Variants in ABRAXAS1 observed in about 807,000 individuals in gnomAD.
The protein encoded by ABRAXAS1 is BRCA1-A complex subunit Abraxas 1.
Under a neutral mutation model 38.4 loss-of-function variants are expected in ABRAXAS1, and 26 were observed. The ratio of observed to expected loss-of-function variants is 0.68; its 90% CI spans 0.50 to 0.94. The LOEUF is 0.94. Among genes scored for constraint, ABRAXAS1 ranks in the 40% least tolerant of loss-of-function variants. ABRAXAS1 has a pLI of 0.00. For synonymous variants in ABRAXAS1, 144 were observed against 165.5 expected (o/e 0.87, Z 1.00); for missense variants, 438 against 481.9 (o/e 0.91, Z 0.85).
chr4:83,465,757 C>T (rs1315035833), intron 7 of ABRAXAS1, among the ~76,000 whole-genome samples: 1 of 152,170 alleles, frequency 6.6e-6, no homozygotes, highest in African/African-American at 2.4e-5. Context: ...CATTGCTCTC[C>T]AGCCTGGGTA....
In ABRAXAS1 at chr4:83,462,844, C is replaced by A. The variant is rs2110033317; in HGVS notation, c.855G>T (p.Arg285=). 1 of 1,608,004 alleles carries A rather than the reference C, an allele frequency of 6.2e-7. No homozygotes were observed. Among genetic ancestry groups the A allele is most frequent in the Non-Finnish European group, 8.5e-7 (1 of 1,178,046 alleles). The change falls in exon 9 of 9, where the codon CGG becomes CGT. Residue 285 remains arginine, a synonymous_variant. Coordinates refer to ENST00000321945, the MANE Select transcript of ABRAXAS1 (RefSeq NM_139076.3). The part of the protein sequence containing the change: ...QENIFLCQAL[R]TFFPNSEFLH... Reference sequence around the variant, plus strand: ...GAAATTCAGAATTTGGAAAAAAGGTCCGTAATGCCTGACAAAGAAAAATGT... The same window carrying A: ...GAAATTCAGAATTTGGAAAAAAGGTACGTAATGCCTGACAAAGAAAAATGT...
chr4:83,482,293 T>C (rs1349989290), intron 1 of ABRAXAS1, 49 bp from the exon 2 acceptor site: 1 of 1,129,500 alleles, frequency 8.9e-7, no homozygotes, highest in East Asian at 2.4e-5. Flanking sequence ...AGAATTACTG[T>C]TCACTTAACT....
Position 83,462,381 on chromosome 4 carries a change from G to A in ABRAXAS1, c.*88C>T, listed in dbSNP as rs557827320. The A allele has an allele frequency of 1.6e-4, 190 of 1,162,214 alleles. No individual in the cohort carries two copies. In the African/African-American group the frequency reaches 2.6e-3, roughly 16 times the overall value. The allele number at this position is 1,162,214 out of a possible 1,614,324, so 72.0% of individuals were successfully genotyped here. ...CATAGTAAAAACAAATGAACTTACT[G>A]CAAGTAGCTCAACATAGTAAAAACA... is the stretch of plus-strand genomic sequence containing the variant. On this transcript the variant is annotated 3_prime_UTR_variant, in exon 9 of 9. Transcript: ENST00000321945.
chr4:83,460,614 C>A lies in ABRAXAS1; in HGVS notation c.*1855G>T, dbSNP rs1020433099. ...GATTTACCAATCCTTGACTTAAAAA[C>A]TTGTTGAGGCTGGGCATGTTGGCTC... is the stretch of plus-strand genomic sequence containing the variant. On this transcript the variant is annotated 3_prime_UTR_variant, in exon 9 of 9. Transcript: ENST00000321945. 4 of 216,296 alleles carry A rather than the reference C, an allele frequency of 1.8e-5. No individual in the cohort carries two copies. The highest frequency in any genetic ancestry group is 5.4e-5 in the Admixed American group (1 of 18,408). The allele number at this position is 216,296 out of a possible 1,614,324, so 13.4% of individuals were successfully genotyped here.
chr4:83,476,681 T>A lies in ABRAXAS1; in HGVS notation c.179-2A>T. 6.4e-7 allele frequency: 1 copy of A among 1,555,400 alleles called. No homozygotes were observed. The highest frequency in any genetic ancestry group is 8.9e-7 in the Non-Finnish European group (1 of 1,128,514). On this transcript the variant is annotated splice_acceptor_variant, in intron 2 of 8. Transcript: ENST00000321945. LOFTEE classifies it high-confidence loss of function. ...AGCATGGAATATATTTCTGAATGTC[T>A]GGAAGAAAAGGATTTTTAGTTATGA...
In ABRAXAS1 at chr4:83,462,171, G is replaced by T; in HGVS notation, c.*298C>A. On this transcript the variant is annotated 3_prime_UTR_variant, in exon 9 of 9. Transcript: ENST00000321945. ...TCTTCCCTAAGTGCTGGGATTACAGGTGTGAGCCACTGTGCCTGGTCTCAC... is the reference window on the plus strand; with the variant it reads ...TCTTCCCTAAGTGCTGGGATTACAGTTGTGAGCCACTGTGCCTGGTCTCAC... 1 of 337,744 alleles carries T rather than the reference G, an allele frequency of 3.0e-6. No homozygotes were observed. Among genetic ancestry groups the T allele is most frequent in the Non-Finnish European group, 5.4e-6 (1 of 184,888 alleles). 20.9% of individuals were successfully genotyped at this position (337,744 alleles called of 1,614,324 possible). A position where few individuals can be genotyped will look rare whatever the true frequency, so the allele number is the denominator to read the frequency against.
chr4:83,469,306 T>A, intron 5 of ABRAXAS1, 155 bp from the exon 6 acceptor site: 1 of 638,410 alleles, frequency 1.6e-6, no homozygotes, highest in Non-Finnish European at 2.7e-6. Flanking sequence ...TTTACTGACT[T>A]GAAACAACTG....
intron 2 of ABRAXAS1, among the ~76,000 whole-genome samples, chr4:83,480,545 T>C (rs1324089650): frequency 6.6e-6 from 1 of 152,222 alleles, no homozygotes; most frequent in East Asian, 1.9e-4. Flanking sequence ...ATTTTTAAAC[T>C]TGTAAAGTAG....
At chr4:83,471,859 G>C (rs758259715) in intron 4 of ABRAXAS1, among the ~76,000 whole-genome samples, 1 of 151,826 alleles carries the variant, frequency 6.6e-6, no homozygotes, top group Non-Finnish European at 1.5e-5. Context: ...GACAGAGCAA[G>C]ACTCCGTCTC....
At chr4:83,477,881 A>G (rs1722840427) in intron 2 of ABRAXAS1, 2 of 744,950 alleles carry the variant, frequency 2.7e-6, no homozygotes, top group Admixed American at 3.5e-5. Flanking sequence ...TTTAATCAAC[A>G]TGATCTGTGG....
At chr4:83,463,763 G>A in intron 7 of ABRAXAS1, 155 bp from the exon 8 acceptor site, 1 of 425,736 alleles carries the variant, frequency 2.3e-6, no homozygotes, top group South Asian at 7.3e-5. Flanking sequence ...GAGGATGTCA[G>A]TAACAAGCAC....
In ABRAXAS1 at chr4:83,462,132, ATCC is replaced by A. The variant is rs1460861252; in HGVS notation, c.*334_*336del. The A allele has an allele frequency of 3.8e-6, 1 of 260,292 alleles. No homozygotes were observed. The highest frequency in any genetic ancestry group is 7.3e-6 in the Non-Finnish European group (1 of 136,892). The allele number at this position is 260,292 out of a possible 1,614,324, so 16.1% of individuals were successfully genotyped here. ...GGTCTCTAACTCCTAACTTCAATCAATCCTCCTGACTTGTCTTCCCTAAGTGCT... is the reference window on the plus strand; with the variant it reads ...GGTCTCTAACTCCTAACTTCAATCAATCCTGACTTGTCTTCCCTAAGTGCT... On this transcript the variant is annotated 3_prime_UTR_variant, in exon 9 of 9. Transcript: ENST00000321945.
In ABRAXAS1 at chr4:83,461,162, G is replaced by T; in HGVS notation, c.*1307C>A. On this transcript the variant is annotated 3_prime_UTR_variant, in exon 9 of 9. Transcript: ENST00000321945. ...ATACAAGGATCCTGCATATCTCAAGGACCCTAAAGTTTGTAACATCAGATA... is the reference window on the plus strand; with the variant it reads ...ATACAAGGATCCTGCATATCTCAAGTACCCTAAAGTTTGTAACATCAGATA... The T allele has an allele frequency of 6.2e-7, 1 of 1,612,962 alleles. No individual in the cohort carries two copies. Among genetic ancestry groups the T allele is most frequent in the South Asian group, 1.1e-5 (1 of 91,006 alleles).
intron 2 of ABRAXAS1, chr4:83,477,679 C>T (rs1328021235): frequency 1.2e-5 from 7 of 569,914 alleles, no homozygotes; most frequent in Non-Finnish European, 2.1e-5. Context: ...GCATTGATGT[C>T]CGTTTCAAAG....
chr4:83,470,619 A>G (rs1722545860), intron 4 of ABRAXAS1, among the ~76,000 whole-genome samples: 2 of 152,220 alleles, frequency 1.3e-5, no homozygotes, highest in Admixed American at 1.3e-4. Context: ...TTTCATCAAT[A>G]TAGATTAAAA....
chr4:83,465,321 A>AAGAAACT (rs1722311534), intron 7 of ABRAXAS1, among the ~76,000 whole-genome samples: 1 of 144,156 alleles, frequency 6.9e-6, no homozygotes, highest in Non-Finnish European at 1.5e-5. Context: ...AAAAAAAAAG[A>AAGAAACT]AGAAACTAAA....
At chr4:83,479,602 C>A (rs72932941) in intron 2 of ABRAXAS1, 19,914 of 151,958 alleles carry the variant, frequency 0.13, 4,301 homozygotes, top group African/African-American at 0.45. Context: ...AACAAAAAAA[C>A]CCAGAAAATC....
intron 2 of ABRAXAS1, among the ~76,000 whole-genome samples, chr4:83,481,760 CT>C (rs1560580564): frequency 6.6e-6 from 1 of 151,812 alleles, no homozygotes; most frequent in East Asian, 1.9e-4. Flanking sequence ...TCTTATTTTT[CT>C]TTTTTTGAGA....
chr4:83,477,029 G>T (rs977592034), intron 2 of ABRAXAS1, among the ~76,000 whole-genome samples: 1 of 152,152 alleles, frequency 6.6e-6, no homozygotes, highest in Non-Finnish European at 1.5e-5. Flanking sequence ...TAAAAAGGCT[G>T]TGCTCTAAAT....
Sources: gnomAD v4.1 joint callset for allele counts (sites outside exome capture counted in the v4.1 genomes callset) on GRCh38, gnomAD v4.1.1 for gene constraint, MANE v1.5 for transcripts, NCBI Gene and HGNC (gene_info 2026-07-23, HGNC 2026-07-21) for gene names.